ESF1: variants seen among roughly 807,000 people sequenced by gnomAD.
ESF1 encodes the protein ESF1 nucleolar pre-rRNA processing protein.
In ESF1, 58 loss-of-function variants were observed where a neutral mutation model predicts 92.0. The ratio of observed to expected loss-of-function variants is 0.63; its 90% CI spans 0.51 to 0.78. The LOEUF (loss-of-function observed/expected upper bound fraction) is 0.78. Ranked by LOEUF, ESF1 falls within the 30% of genes least tolerant of loss-of-function variation. The pLI, the probability that ESF1 is intolerant of heterozygous loss-of-function variation, is 0.00. For missense variants in ESF1, 922 were observed against 989.1 expected (o/e 0.93, Z 0.91); for synonymous variants, 321 against 313.7 (o/e 1.02, Z -0.24).
In ESF1 at chr20:13,714,925, T is replaced by C; in HGVS notation, c.2505A>G (p.Ile835Met). ...CTTGAAACTGCTCTGTTTTGGTTTT[T>C]ATAGATTTAATCAACATTGACAAAG... The part of the protein sequence containing the change: ...DPALSMLIKS[I>M]KTKTEQFQAR... The change falls in exon 14 of 14, where the codon ATA becomes ATG. Residue 835 changes from isoleucine to methionine, a missense_variant. Transcript: ENST00000617257. 2 of 1,613,270 alleles carry C rather than the reference T, an allele frequency of 1.2e-6. No homozygotes were observed. The highest frequency in any genetic ancestry group is 1.7e-6 in the Non-Finnish European group (2 of 1,179,748).
chr20:13,732,175 C>A (rs1027334898), intron 10 of ESF1, among the ~76,000 whole-genome samples: 2 of 152,118 alleles, frequency 1.3e-5, no homozygotes, highest in Non-Finnish European at 2.9e-5. Flanking sequence ...GGGGACCGAG[C>A]CCCCAATCTA....
chr20:13,715,880 C>T lies in ESF1; in HGVS notation c.2263-713G>A, dbSNP rs985235569. ...AGATTGTAGCTTTACTTAGTTATCA[C>T]GAGGCCAAGGGATTTGATACCCAGA... On this transcript the variant is annotated intron_variant, in intron 13 of 13. Transcript: ENST00000617257. 3.9e-5 allele frequency among the ~76,000 whole-genome samples: 6 copies of T among 152,184 alleles called. No homozygotes were observed. In the South Asian group the frequency reaches 8.3e-4, roughly 21 times the overall value.
chr20:13,728,492 A>C, intron 10 of ESF1, 27 bp from the exon 11 acceptor site: 1 of 1,470,582 alleles, frequency 6.8e-7, no homozygotes, highest in Non-Finnish European at 9.3e-7. Flanking sequence ...AAAAATACAA[A>C]ATTTCATTAT....
At chr20:13,718,624 G>C (rs2049846502) in intron 12 of ESF1, among the ~76,000 whole-genome samples, 1 of 152,046 alleles carries the variant, frequency 6.6e-6, no homozygotes, top group Non-Finnish European at 1.5e-5. Context: ...TATAGTAAGT[G>C]TTTTTAAAAG....
Position 13,748,540 on chromosome 20 carries a change from ATGTGTGTG to A in ESF1, c.1828+11144_1828+11151del, listed in dbSNP as rs753070186. Among the ~76,000 whole-genome samples the A allele has an allele frequency of 3.0e-3, 349 of 117,414 alleles. 3 individuals carry two copies. Among genetic ancestry groups the A allele is most frequent in the African/African-American group, 9.9e-3 (318 of 32,188 alleles). 77.0% of individuals were successfully genotyped at this position (117,414 alleles called of 152,430 possible). On this transcript the variant is annotated intron_variant, in intron 9 of 13. Coordinates refer to ENST00000617257, the MANE Select transcript of ESF1 (RefSeq NM_001276380.2). The stretch of plus-strand genomic sequence containing the variant: ...TACACATATATATATACACATATAT[ATGTGTGTG>A]TATATATATATATATATGTGTGTGT...
In ESF1 at chr20:13,782,632, T is replaced by C. The variant is rs1980250317; in HGVS notation, c.509A>G (p.Lys170Arg). The change falls in exon 2 of 14, where the codon AAA becomes AGA. Residue 170 changes from lysine (K) to arginine (R), a missense_variant. Coordinates refer to ENST00000617257, the MANE Select transcript of ESF1 (RefSeq NM_001276380.2). Reference protein sequence around the residue: ...EFTQKNKKEKKNIVQHTTDSS... With the variant: ...EFTQKNKKEKRNIVQHTTDSS... ...GTCTGTAGTATGTTGAACAATGTTT[T>C]TTTTCTCTTTCTTATTTTTTTGTGT... 6.2e-7 allele frequency: 1 copy of C among 1,608,378 alleles called. No homozygotes were observed. Among genetic ancestry groups the C allele is most frequent in the South Asian group, 1.1e-5 (1 of 88,774 alleles).
Position 13,772,506 on chromosome 20 carries a change from A to G in ESF1, c.1250+9T>C. 2 of 1,576,652 alleles carry G rather than the reference A, an allele frequency of 1.3e-6. No homozygotes were observed. Among genetic ancestry groups the G allele is most frequent in the Non-Finnish European group, 1.7e-6 (2 of 1,147,132 alleles). ...AGGTTTAGTTTTATGTTCTATAGTG[A>G]TTTAATACCAGTCTTTTTCTGGGGC... On this transcript the variant is annotated intron_variant, in intron 5 of 13. Transcript: ENST00000617257.
intron 9 of ESF1, among the ~76,000 whole-genome samples, chr20:13,748,592 A>ATATTTTTTT (rs1331098586): frequency 1.4e-4 from 13 of 95,720 alleles, no homozygotes; most frequent in African/African-American, 7.7e-4. Context: ...ATATATATAT[A>ATATTTTTTT]TTTTTTTTTT....
At chr20:13,731,500 C>G (rs188789040) in intron 10 of ESF1, among the ~76,000 whole-genome samples, 1 of 142,250 alleles carries the variant, frequency 7.0e-6, no homozygotes, top group Non-Finnish European at 1.5e-5. Context: ...CCACTGGACT[C>G]CAGCCTGGGC....
rs1980296930 is a variant in ESF1, at chr20:13,783,064, G to A, written c.77C>T (p.Pro26Leu). Residue 26 changes from proline (P) to leucine (L), a missense_variant, in exon 2 of 14, where the codon CCA becomes CTA. Physicochemically the swap from Pro to Leu is moderately conservative, Grantham distance 98. Transcript: ENST00000617257. The stretch of plus-strand genomic sequence containing the variant: ...AATTTTGACTTTTCGATCCTTTTCT[G>A]GCATTTCCCAAAATCTCGGGTCCTT... ...VAKDPRFWEM[P>L]EKDRKVKIDK... The A allele has an allele frequency of 6.2e-6, 10 of 1,613,754 alleles. No homozygotes were observed. The highest frequency in any genetic ancestry group is 8.5e-6 in the Non-Finnish European group (10 of 1,179,998).
chr20:13,772,403 C>T, intron 5 of ESF1, 112 bp downstream of exon 5: 1 of 751,984 alleles, frequency 1.3e-6, no homozygotes, highest in Non-Finnish European at 2.2e-6. Flanking sequence ...CCTGTTTTAA[C>T]CACGAATGGC....
chr20:13,765,913 T>C (rs1979407103), intron 8 of ESF1, among the ~76,000 whole-genome samples: 2 of 152,026 alleles, frequency 1.3e-5, no homozygotes, highest in Admixed American at 1.3e-4. Flanking sequence ...AAACAGAGAC[T>C]ATGAGTAAAA....
At chr20:13,761,807 C>G (rs1022539992) in intron 8 of ESF1, among the ~76,000 whole-genome samples, 1 of 152,138 alleles carries the variant, frequency 6.6e-6, no homozygotes, top group African/African-American at 2.4e-5. Context: ...AACTAATACA[C>G]CAAAAAGTTT....
At chr20:13,760,003 G>A (rs1169444767) in intron 8 of ESF1, 150 bp from the exon 9 acceptor site, 2 of 1,296,260 alleles carry the variant, frequency 1.5e-6, no homozygotes, top group African/African-American at 1.5e-5. Context: ...GAAAGACTTA[G>A]GGTCTCATGT....
intron 9 of ESF1, among the ~76,000 whole-genome samples, chr20:13,747,437 T>C (rs909521909): frequency 1.3e-5 from 2 of 151,898 alleles, no homozygotes; most frequent in Non-Finnish European, 2.9e-5. Context: ...TGCACACCTG[T>C]AGTCCCAGCT....
At chr20:13,717,108 C>T (rs750694190) in intron 13 of ESF1, among the ~76,000 whole-genome samples, 3 of 151,922 alleles carry the variant, frequency 2.0e-5, no homozygotes, top group African/African-American at 4.8e-5. Flanking sequence ...TGAGCCACCA[C>T]GCCCAGCCAG....
At chr20:13,728,866 C>CA (rs34325780) in intron 10 of ESF1, among the ~76,000 whole-genome samples, 11,016 of 138,062 alleles carry the variant, frequency 0.08, 432 homozygotes, top group Non-Finnish European at 0.092. Flanking sequence ...GACTCCATCT[C>CA]AAAAAAAAAA....
At chr20:13,772,415 C>G (rs935261973) in intron 5 of ESF1, 100 bp downstream of exon 5, 3 of 839,718 alleles carry the variant, frequency 3.6e-6, no homozygotes, top group Admixed American at 2.0e-5. Flanking sequence ...ACGAATGGCA[C>G]AAGTATAAAC....
At chr20:13,729,662 T>C (rs2049928604) in intron 10 of ESF1, among the ~76,000 whole-genome samples, 1 of 152,220 alleles carries the variant, frequency 6.6e-6, no homozygotes, top group Non-Finnish European at 1.5e-5. Context: ...AGAATTTTTA[T>C]TATGAAAATC....
Sources: gnomAD v4.1 joint callset for allele counts (sites outside exome capture counted in the v4.1 genomes callset) on GRCh38, gnomAD v4.1.1 for gene constraint, MANE v1.5 for transcripts, NCBI Gene and HGNC (gene_info 2026-07-23, HGNC 2026-07-21) for gene names.